The following FTO variants were observed in gnomAD, a reference collection of about 807,000 sequenced individuals.
FTO encodes FTO alpha-ketoglutarate dependent dioxygenase, also known as alpha-ketoglutarate-dependent dioxygenase FTO.
A neutral mutation model predicts 63.9 loss-of-function variants in FTO; 47 were observed. That is an observed-to-expected ratio of 0.74 (90% CI 0.58 to 0.94). FTO has a LOEUF of 0.94. Ranked by LOEUF, FTO falls within the 40% of genes least tolerant of loss-of-function variation. The probability of loss-of-function intolerance (pLI) is 0.00; values close to 1 mark genes in which losing one functional copy is unlikely to be tolerated. For synonymous variants in FTO, 207 were observed against 224.4 expected (o/e 0.92, Z 0.69); for missense variants, 562 against 618.1 (o/e 0.91, Z 0.96).
chr16:53,726,294 T>C (rs990146649), intron 1 of FTO, among the ~76,000 whole-genome samples: 6 of 152,182 alleles, frequency 3.9e-5, no homozygotes, highest in Non-Finnish European at 7.4e-5. Flanking sequence ...AATAGTATGG[T>C]TATATTATGT....
intron 7 of FTO, among the ~76,000 whole-genome samples, chr16:53,913,112 A>G (rs2081755942): frequency 6.6e-6 from 1 of 152,200 alleles, no homozygotes; most frequent in Admixed American, 6.5e-5. Context: ...CAACTTAAGC[A>G]ATGAATTGTG....
At chr16:53,757,868 A>G (rs562914826) in intron 1 of FTO, among the ~76,000 whole-genome samples, 18 of 152,300 alleles carry the variant, frequency 1.2e-4, no homozygotes, top group Admixed American at 1.0e-3. Context: ...AAGGGTGCTT[A>G]GATGTTGAGT....
At chr16:53,915,155 T>C (rs1339109531) in intron 7 of FTO, among the ~76,000 whole-genome samples, 1 of 152,232 alleles carries the variant, frequency 6.6e-6, no homozygotes, top group Non-Finnish European at 1.5e-5. Context: ...ATTTTGTTCC[T>C]TTGACCTGTG....
intron 8 of FTO, among the ~76,000 whole-genome samples, chr16:54,082,762 T>A (rs1424085161): frequency 1.3e-5 from 2 of 152,202 alleles, no homozygotes; most frequent in African/African-American, 4.8e-5. Flanking sequence ...ATTCAGTTCA[T>A]CCAGGTTCAA....
chr16:53,892,177 G>A (rs1007394627), intron 7 of FTO, among the ~76,000 whole-genome samples: 13 of 152,072 alleles, frequency 8.5e-5, no homozygotes, highest in African/African-American at 2.9e-4. Context: ...TCTGGTATTT[G>A]TATACTCGGG....
chr16:53,828,181 A>C lies in FTO; in HGVS notation c.751+1690A>C, dbSNP rs1375843755. ...CTTAAAGAGGGAACTGTAGAATTTG[A>C]ATCTGTAAGAGCGGTGTGCAAACTC... On this transcript the variant is annotated intron_variant, in intron 3 of 8. Coordinates refer to ENST00000471389, the MANE Select transcript of FTO (RefSeq NM_001080432.3). Among the ~76,000 whole-genome samples the C allele has an allele frequency of 3.3e-5, 5 of 152,312 alleles. No homozygotes were observed. The East Asian group carries it at 9.6e-4, about 29-fold the overall frequency.
intron 7 of FTO, among the ~76,000 whole-genome samples, chr16:53,924,414 G>C (rs1273713544): frequency 1.3e-5 from 2 of 152,200 alleles, no homozygotes; most frequent in Non-Finnish European, 2.9e-5. Context: ...TTTTTGAGGA[G>C]TCATGTGGTG....
chr16:53,749,118 A>G (rs1365476037), intron 1 of FTO, among the ~76,000 whole-genome samples: 1 of 152,160 alleles, frequency 6.6e-6, no homozygotes, highest in Non-Finnish European at 1.5e-5. Context: ...TATATAGTTC[A>G]CTGTTAGCAT....
chr16:54,074,744 T>C (rs1285920715), intron 8 of FTO, among the ~76,000 whole-genome samples: 2 of 152,150 alleles, frequency 1.3e-5, no homozygotes, highest in African/African-American at 4.8e-5. Flanking sequence ...TTCCTAGAAA[T>C]TGAATTACCG....
intron 1 of FTO, among the ~76,000 whole-genome samples, chr16:53,738,343 T>C (rs2076439609): frequency 6.6e-6 from 1 of 152,216 alleles, no homozygotes; most frequent in Non-Finnish European, 1.5e-5. Flanking sequence ...GGTCTGGCTA[T>C]GTTGCCTAGG....
At chr16:53,815,005 T>A (rs1178122024) in intron 2 of FTO, among the ~76,000 whole-genome samples, 1 of 151,882 alleles carries the variant, frequency 6.6e-6, no homozygotes, top group Non-Finnish European at 1.5e-5. Context: ...AAGCCTCAGG[T>A]ATACTTGACA....
intron 7 of FTO, among the ~76,000 whole-genome samples, chr16:53,906,180 T>A (rs1780394798): frequency 6.6e-6 from 1 of 152,202 alleles, no homozygotes; most frequent in African/African-American, 2.4e-5. Flanking sequence ...GGACAATTTT[T>A]AAAATTTTTC....
At chr16:53,962,857 A>C (rs2083113636) in intron 8 of FTO, among the ~76,000 whole-genome samples, 1 of 152,214 alleles carries the variant, frequency 6.6e-6, no homozygotes, top group South Asian at 2.1e-4. Context: ...CAGCATGAGA[A>C]ATGTATATTT....
chr16:53,974,132 A>G (rs1307827461), intron 8 of FTO, among the ~76,000 whole-genome samples: 2 of 152,142 alleles, frequency 1.3e-5, no homozygotes, highest in Non-Finnish European at 2.9e-5. Context: ...TCTGAGGATC[A>G]TTTTAGCTTC....
At chr16:54,070,181 G>A (rs2085833410) in intron 8 of FTO, 1 of 152,028 alleles carries the variant, frequency 6.6e-6, no homozygotes, top group Non-Finnish European at 1.5e-5. Context: ...ATGAGAATTA[G>A]CCTAAACACA....
intron 7 of FTO, 24 bp downstream of exon 7, chr16:53,888,975 G>C (rs117546833): frequency 3.1e-6 from 5 of 1,612,952 alleles, no homozygotes; most frequent in Non-Finnish European, 4.2e-6. Context: ...ACCTGGGACC[G>C]TGTTTTCTGG....
intron 1 of FTO, among the ~76,000 whole-genome samples, chr16:53,787,213 A>G (rs17817712): frequency 0.3 from 44,693 of 149,794 alleles, 8,153 homozygotes; most frequent in Non-Finnish European, 0.41. Flanking sequence ...CGTTTGCTTT[A>G]CAACTTCTAT....
At chr16:53,965,680 A>G (rs1027985318) in intron 8 of FTO, 1 of 152,080 alleles carries the variant, frequency 6.6e-6, no homozygotes, top group African/African-American at 2.4e-5. Context: ...CCTGTGAAAT[A>G]TTTAGTTACC....
chr16:53,791,932 C>T (rs1247678683), intron 1 of FTO, among the ~76,000 whole-genome samples: 1 of 151,918 alleles, frequency 6.6e-6, no homozygotes, highest in Non-Finnish European at 1.5e-5. Flanking sequence ...AAAAATTATC[C>T]GGGCGTGATG....
Sources: allele counts gnomAD v4.1 joint callset (sites outside exome capture counted in the v4.1 genomes callset), GRCh38; gene constraint gnomAD v4.1.1; transcripts MANE v1.5; gene names NCBI Gene and HGNC (gene_info 2026-07-23, HGNC 2026-07-21).